HMCN2: variants seen among roughly 807,000 people sequenced by gnomAD.
The protein encoded by HMCN2 is hemicentin-2.
Under a neutral mutation model 377.5 loss-of-function variants are expected in HMCN2, and 325 were observed. The ratio of observed to expected loss-of-function variants is 0.86; its 90% CI spans 0.79 to 0.94. HMCN2 has a LOEUF of 0.94. Among genes scored for constraint, HMCN2 ranks in the 40% least tolerant of loss-of-function variants. The pLI is 0.00. For synonymous variants in HMCN2, 2,007 were observed against 2,046.8 expected, an observed-to-expected ratio of 0.98 and a Z score of 0.53; for missense variants, 4,543 against 4,725.3, an observed-to-expected ratio of 0.96 and a Z score of 1.13.
At chr9:130,320,082 C>T (rs1837766436) in intron 16 of HMCN2, among the ~76,000 whole-genome samples, 3 of 152,204 alleles carry the variant, frequency 2.0e-5, no homozygotes, top group Non-Finnish European at 2.9e-5. Context: ...GGCCCAAGGG[C>T]GGGCACTTTG....
Position 130,425,000 on chromosome 9 carries a change from G to C in HMCN2, c.13520-9G>C. ...TGGTGACTCTGGGCTGGGTGGGGATGGTTTGCAGGGGAGCTGCTCACGATG... is the reference window on the plus strand; with the variant it reads ...TGGTGACTCTGGGCTGGGTGGGGATCGTTTGCAGGGGAGCTGCTCACGATG... On this transcript the variant is annotated splice_polypyrimidine_tract_variant and intron_variant, in intron 88 of 97. Transcript: ENST00000683500. 1 of 1,540,002 alleles carries C rather than the reference G, an allele frequency of 6.5e-7. No individual in the cohort carries two copies. Among genetic ancestry groups the C allele is most frequent in the Non-Finnish European group, 8.8e-7 (1 of 1,141,042 alleles).
At chr9:130,276,183 C>T (rs1012257438) in intron 1 of HMCN2, among the ~76,000 whole-genome samples, 1 of 152,038 alleles carries the variant, frequency 6.6e-6, no homozygotes, top group Non-Finnish European at 1.5e-5. Context: ...TGGGGATCCC[C>T]CTGCACCCAT....
At chr9:130,267,310 C>T (rs923284581) in intron 1 of HMCN2, among the ~76,000 whole-genome samples, 1 of 138,486 alleles carries the variant, frequency 7.2e-6, no homozygotes, top group Non-Finnish European at 1.6e-5. Context: ...TACATGGAAC[C>T]GCCTATGCCC....
At chr9:130,316,549 C>G (rs1367182613) in intron 15 of HMCN2, among the ~76,000 whole-genome samples, 2 of 152,168 alleles carry the variant, frequency 1.3e-5, no homozygotes, top group African/African-American at 4.8e-5. Flanking sequence ...TAGGCTCCCC[C>G]ACTTAGAGCC....
chr9:130,424,671 C>T, intron 87 of HMCN2, 105 bp from the exon 88 acceptor site: 2 of 1,228,832 alleles, frequency 1.6e-6, no homozygotes, highest in Non-Finnish European at 2.1e-6. Flanking sequence ...AGGGAAGGGG[C>T]TGAGCTCTCC....
At chr9:130,300,614 G>T (rs1400514364) in intron 8 of HMCN2, among the ~76,000 whole-genome samples, 1 of 152,238 alleles carries the variant, frequency 6.6e-6, no homozygotes, top group African/African-American at 2.4e-5. Context: ...ACAGCATTTG[G>T]GTCCTCAGAG....
chr9:130,428,394 G>C lies in HMCN2; in HGVS notation c.14102G>C (p.Arg4701Pro), dbSNP rs1458573714. 6.5e-7 allele frequency: 1 copy of C among 1,547,994 alleles called. No homozygotes were observed. The highest frequency in any genetic ancestry group is 1.4e-5 in the African/African-American group (1 of 73,160). The change falls in exon 93 of 98, where the codon CGA becomes CCA. Residue 4701 changes from arginine (R) to proline (P), a missense_variant. Around this residue, in one of 5 missense-constraint regions of HMCN2, gnomAD observed 1,155 missense variants for 1,157.7 expected, o/e 1.00. Coordinates refer to ENST00000683500, the MANE Select transcript of HMCN2 (RefSeq NM_001291815.2). The surrounding 1 kb of genome is among the most constrained non-coding windows in gnomAD (Gnocchi z 5.0). ...TGTGCGTGGGATGCTCACCTCTGCC[G>C]AGAGGGACAGCGCTGTGTGAACCTG... ...DECAWDAHLCREGQRCVNLLG... is the reference protein window; with the variant it reads ...DECAWDAHLCPEGQRCVNLLG...
intron 17 of HMCN2, 23 bp from the exon 18 acceptor site, chr9:130,320,753 G>A (rs1166552620): frequency 6.6e-6 from 1 of 152,258 alleles, no homozygotes; most frequent in African/African-American, 2.4e-5. Context: ...TATTGTGGCT[G>A]ACACCGGCTC....
intron 19 of HMCN2, among the ~76,000 whole-genome samples, chr9:130,323,068 A>G (rs1207099961): frequency 6.6e-6 from 1 of 152,000 alleles, no homozygotes; most frequent in Non-Finnish European, 1.5e-5. Context: ...AGTGTGTACC[A>G]CATGCCAGGC....
At chr9:130,281,133 C>G (rs1387494042) in intron 1 of HMCN2, among the ~76,000 whole-genome samples, 2 of 151,778 alleles carry the variant, frequency 1.3e-5, no homozygotes, top group Non-Finnish European at 2.9e-5. Flanking sequence ...AGTTGTGCCC[C>G]TTCCCTTTTT....
At chr9:130,408,460 C>T (rs533337288) in intron 83 of HMCN2, among the ~76,000 whole-genome samples, 2 of 152,300 alleles carry the variant, frequency 1.3e-5, no homozygotes, top group African/African-American at 4.8e-5. Context: ...CCTGCCTGTG[C>T]CCATCTCAGG....
chr9:130,326,932 G>A (rs1588246397), intron 21 of HMCN2, among the ~76,000 whole-genome samples: 1 of 152,174 alleles, frequency 6.6e-6, no homozygotes, highest in African/African-American at 2.4e-5. Context: ...GGGAATAAGT[G>A]AATGAGCAAG....
chr9:130,269,022 C>A (rs530454948), intron 1 of HMCN2, among the ~76,000 whole-genome samples: 1 of 148,572 alleles, frequency 6.7e-6, no homozygotes, highest in South Asian at 2.2e-4. Context: ...ACTTGAGAAA[C>A]GGGTTGTAGC....
intron 84 of HMCN2, among the ~76,000 whole-genome samples, chr9:130,410,246 T>C (rs981402419): frequency 2.0e-5 from 3 of 152,176 alleles, no homozygotes; most frequent in Non-Finnish European, 4.4e-5. Context: ...TAATGTGCCA[T>C]GGGACAGTAA....
intron 74 of HMCN2, 126 bp downstream of exon 74, chr9:130,397,781 C>T (rs1842676647): frequency 1.1e-6 from 1 of 879,768 alleles, no homozygotes; most frequent in Non-Finnish European, 1.5e-6. Context: ...GACCATGAAG[C>T]CCATTAGTAA....
At chr9:130,293,292 T>TTTTTTTTTTTTTTTG (rs1835909405) in intron 4 of HMCN2, among the ~76,000 whole-genome samples, 1 of 142,824 alleles carries the variant, frequency 7.0e-6, no homozygotes, top group Non-Finnish European at 1.5e-5. Flanking sequence ...TTTTTTTTTT[T>TTTTTTTTTTTTTTTG]TTTTTTTTGC....
intron 25 of HMCN2, among the ~76,000 whole-genome samples, chr9:130,345,359 T>C (rs1839327693): frequency 6.7e-6 from 1 of 148,852 alleles, no homozygotes; most frequent in African/African-American, 2.5e-5. Flanking sequence ...GTGTGGTGTG[T>C]ATGTGGTATG....
intron 34 of HMCN2, 104 bp downstream of exon 34, chr9:130,356,361 G>C (rs1281152225): frequency 4.5e-6 from 5 of 1,109,620 alleles, no homozygotes; most frequent in Non-Finnish European, 5.8e-6. Flanking sequence ...GCTGGTCTTT[G>C]CTGGATGGCG....
rs1354471747 is a variant in HMCN2, at chr9:130,398,561, CA to C, written c.11338del (p.Ile3780SerfsTer8). 1 of 1,246,988 alleles carries C rather than the reference CA, an allele frequency of 8.0e-7. No individual in the cohort carries two copies. The highest frequency in any genetic ancestry group is 2.5e-5 in the Admixed American group (1 of 40,084). 77.2% of individuals were successfully genotyped at this position (1,246,988 alleles called of 1,614,324 possible). ...CTGTGCTCTCCCCAGAGCCTCCAGC[CA>C]TCGCCCCCAGCCCCTCCAACCTGAC... ...RDLRVLEPPAIAPSPSNLTLT... is the reference protein window; with the variant it reads ...RDLRVLEPPAXAPSPSNLTLT... On this transcript the variant is annotated frameshift_variant, in exon 75 of 98. Transcript: ENST00000683500. LOFTEE classifies it high-confidence loss of function.
Sources: allele counts gnomAD v4.1 joint callset (sites outside exome capture counted in the v4.1 genomes callset), GRCh38; gene constraint gnomAD v4.1.1; regional missense constraint gnomAD v4.1.1; non-coding constraint Gnocchi (gnomAD v3.1); transcripts MANE v1.5; gene names NCBI Gene and HGNC (gene_info 2026-07-23, HGNC 2026-07-21).